SLC8A1: variants seen among roughly 807,000 people sequenced by gnomAD.
The protein encoded by SLC8A1 is solute carrier family 8 member A1.
Under a neutral mutation model 68.3 loss-of-function variants are expected in SLC8A1, and 18 were observed. The observed-to-expected ratio is 0.26, with a 90% CI of 0.18 to 0.39. The LOEUF is 0.39. Ranked by LOEUF, SLC8A1 falls within the 10% of genes least tolerant of loss-of-function variation. The probability of loss-of-function intolerance (pLI) is 1.00; values close to 1 mark genes in which losing one functional copy is unlikely to be tolerated. For synonymous variants in SLC8A1, 475 were observed against 415.5 expected (o/e 1.14, Z -1.74); for missense variants, 985 against 1,156.7 (o/e 0.85, Z 2.15).
chr2:40,316,602 G>A lies in SLC8A1; in HGVS notation c.1808+111871C>T, dbSNP rs149585738. On this transcript the variant is annotated intron_variant, in intron 2 of 7. Transcript: ENST00000406785. ...AAACAACTTTTCACAACACAATAAT[G>A]TATTAGGTCAGGGTCTACTGCCCTC... Among the ~76,000 whole-genome samples, 4 of 152,138 alleles carry A rather than the reference G, an allele frequency of 2.6e-5. No homozygotes were observed. The East Asian group carries it at 7.7e-4, about 29-fold the overall frequency.
chr2:40,253,053 ATG>A (rs2063161742), intron 2 of SLC8A1, among the ~76,000 whole-genome samples: 1 of 94,008 alleles, frequency 1.1e-5, no homozygotes, highest in Non-Finnish European at 2.4e-5. Flanking sequence ...ATATGTATAT[ATG>A]TACATGTATA....
chr2:40,422,741 T>A (rs1695858498), intron 2 of SLC8A1, among the ~76,000 whole-genome samples: 1 of 152,022 alleles, frequency 6.6e-6, no homozygotes, highest in African/African-American at 2.4e-5. Flanking sequence ...AAGAGAAAAA[T>A]AAAGTACTAA....
intron 2 of SLC8A1, among the ~76,000 whole-genome samples, chr2:40,316,627 C>T (rs1559213837): frequency 1.3e-5 from 2 of 152,002 alleles, no homozygotes; most frequent in Non-Finnish European, 2.9e-5. Flanking sequence ...CTACTGCCCT[C>T]CTGCAGATTT....
At chr2:40,392,729 A>G (rs1018169099) in intron 2 of SLC8A1, among the ~76,000 whole-genome samples, 1 of 152,114 alleles carries the variant, frequency 6.6e-6, no homozygotes, top group Non-Finnish European at 1.5e-5. Flanking sequence ...AATGCCAATG[A>G]TCACAGTACC....
intron 2 of SLC8A1, among the ~76,000 whole-genome samples, chr2:40,181,245 C>T (rs985142253): frequency 1.3e-5 from 2 of 152,172 alleles, no homozygotes; most frequent in Non-Finnish European, 2.9e-5. Flanking sequence ...CAGGGGTGAG[C>T]CACCACACCT....
At chr2:40,203,033 C>T (rs1359356157) in intron 2 of SLC8A1, among the ~76,000 whole-genome samples, 1 of 151,910 alleles carries the variant, frequency 6.6e-6, no homozygotes, top group African/African-American at 2.4e-5. Flanking sequence ...GGCTTGGAGC[C>T]CACTCAGACA....
chr2:40,329,173 C>T (rs1478294646), intron 2 of SLC8A1, among the ~76,000 whole-genome samples: 2 of 152,018 alleles, frequency 1.3e-5, no homozygotes, highest in African/African-American at 2.4e-5. Context: ...CCTGCAGTTT[C>T]CCTTGAATGA....
intron 2 of SLC8A1, among the ~76,000 whole-genome samples, chr2:40,222,258 C>A (rs1351005951): frequency 2.0e-5 from 3 of 151,674 alleles, no homozygotes; most frequent in Non-Finnish European, 2.9e-5. Flanking sequence ...CAAACCTGAC[C>A]AAAACAAGCA....
intron 2 of SLC8A1, among the ~76,000 whole-genome samples, chr2:40,360,004 T>C (rs1674104230): frequency 6.6e-6 from 1 of 151,690 alleles, no homozygotes; most frequent in African/African-American, 2.4e-5. Context: ...GCTCTTGAAA[T>C]GGAAAAGAAA....
chr2:40,231,612 T>G (rs1412215222), intron 2 of SLC8A1, among the ~76,000 whole-genome samples: 1 of 152,152 alleles, frequency 6.6e-6, no homozygotes, highest in Non-Finnish European at 1.5e-5. Flanking sequence ...GTCTTACAAT[T>G]AATTCTTCTG....
chr2:40,350,259 A>T (rs534403114), intron 2 of SLC8A1, among the ~76,000 whole-genome samples: 1 of 152,238 alleles, frequency 6.6e-6, no homozygotes, highest in East Asian at 1.9e-4. Context: ...AGTGGGAAGG[A>T]TAGCTTGAGC....
chr2:40,493,607 C>T (rs957952236), intron 1 of SLC8A1, among the ~76,000 whole-genome samples: 13 of 150,332 alleles, frequency 8.6e-5, no homozygotes, highest in African/African-American at 3.2e-4. Flanking sequence ...CAAGCCTAAA[C>T]CACACTTCTC....
chr2:40,106,573 T>C (rs990973150), exon 8 of SLC8A1: 1 of 152,204 alleles, frequency 6.6e-6, no homozygotes, highest in Non-Finnish European at 1.5e-5. Context: ...GACTTATCTG[T>C]CTCAAATAAG....
rs187717547 is a variant in SLC8A1 at position 40,145,390 on chromosome 2, A to G, written c.2162-5714T>C. On this transcript the variant is annotated intron_variant, in intron 6 of 7. Coordinates refer to ENST00000406785, the Ensembl canonical transcript of SLC8A1. Reference sequence around the variant, plus strand: ...AAACATCTTGGTTTGCCTCTAGCTCATCACCCTTGAATTTGGGAAAGTGGC... The same window carrying G: ...AAACATCTTGGTTTGCCTCTAGCTCGTCACCCTTGAATTTGGGAAAGTGGC... Among the ~76,000 whole-genome samples the G allele has an allele frequency of 4.1e-4, 63 of 152,294 alleles. No individual in the cohort carries two copies. In the South Asian group the frequency reaches 6.4e-3, roughly 16 times the overall value.
chr2:40,424,270 T>G (rs1012919130), intron 2 of SLC8A1, among the ~76,000 whole-genome samples: 23 of 151,876 alleles, frequency 1.5e-4, no homozygotes, highest in Non-Finnish European at 2.4e-4. Flanking sequence ...TTCACCTTGT[T>G]TACATCTGGC....
chr2:40,476,939 T>G (rs2149908449), intron 1 of SLC8A1, among the ~76,000 whole-genome samples: 1 of 152,316 alleles, frequency 6.6e-6, no homozygotes, highest in South Asian at 2.1e-4. Context: ...TACTGCATAT[T>G]TTTGAAGCAG....
Position 40,496,889 on chromosome 2 carries a change from A to G in SLC8A1, c.-25+15460T>C, listed in dbSNP as rs368133543. 2.8e-4 allele frequency among the ~76,000 whole-genome samples: 38 copies of G among 133,540 alleles called. No individual in the cohort carries two copies. The East Asian group carries it at 7.0e-3, about 25-fold the overall frequency. The allele number at this position is 133,540 out of a possible 152,430, so 87.6% of individuals were successfully genotyped here. A position where few individuals can be genotyped will look rare whatever the true frequency, so the allele number is the denominator to read the frequency against. On this transcript the variant is annotated intron_variant, in intron 1 of 7. Coordinates refer to the SLC8A1 transcript ENST00000402441. ...AATTGAACAATGAGATCACATGGACACAGGAAGGGGAATATCACACTCTGG... is the reference window on the plus strand; with the variant it reads ...AATTGAACAATGAGATCACATGGACGCAGGAAGGGGAATATCACACTCTGG...
chr2:40,471,198 G>A (rs150790898), intron 1 of SLC8A1, among the ~76,000 whole-genome samples: 178 of 152,262 alleles, frequency 1.2e-3, no homozygotes, highest in African/African-American at 3.7e-3. Context: ...CATAAGTATT[G>A]ATAACTTTAT....
intron 1 of SLC8A1, among the ~76,000 whole-genome samples, chr2:40,503,540 A>G (rs1385804093): frequency 1.3e-5 from 2 of 152,030 alleles, no homozygotes; most frequent in African/African-American, 4.8e-5. Context: ...CGATGATACA[A>G]TCTGGTTTTG....
Sources: allele counts gnomAD v4.1 joint callset (sites outside exome capture counted in the v4.1 genomes callset), GRCh38; gene constraint gnomAD v4.1.1; transcripts MANE v1.5; gene names NCBI Gene and HGNC (gene_info 2026-07-23, HGNC 2026-07-21).